The following GPAT3 variants were observed in gnomAD, a reference collection of about 807,000 sequenced individuals.
GPAT3 encodes the protein glycerol-3-phosphate acyltransferase 3.
A neutral mutation model predicts 58.8 loss-of-function variants in GPAT3; 53 were observed. That is an observed-to-expected ratio of 0.90 (90% CI 0.72 to 1.13). The LOEUF (loss-of-function observed/expected upper bound fraction) is 1.13, where lower values mean the gene tolerates loss of function less well. Ranked by LOEUF, GPAT3 falls within the 50% of genes most tolerant of loss-of-function variation. The pLI, the probability that GPAT3 is intolerant of heterozygous loss-of-function variation, is 0.00. For missense variants in GPAT3, 511 were observed against 527.6 expected, an observed-to-expected ratio of 0.97 and a Z score of 0.31; for synonymous variants, 197 against 187.4, an observed-to-expected ratio of 1.05 and a Z score of -0.42.
At chr4:83,552,117 C>T (rs1355914231) in intron 2 of GPAT3, among the ~76,000 whole-genome samples, 1 of 152,110 alleles carries the variant, frequency 6.6e-6, no homozygotes, top group African/African-American at 2.4e-5. Flanking sequence ...ACCTATGGAA[C>T]AAAGGAGTTT....
intron 6 of GPAT3, among the ~76,000 whole-genome samples, chr4:83,593,602 AAT>A (rs1381605378): frequency 6.6e-6 from 1 of 152,100 alleles, no homozygotes; most frequent in Non-Finnish European, 1.5e-5. Flanking sequence ...CAACAATATC[AAT>A]ATGTTTACTC....
At chr4:83,562,798 A>G (rs1725230364) in intron 2 of GPAT3, among the ~76,000 whole-genome samples, 1 of 151,658 alleles carries the variant, frequency 6.6e-6, no homozygotes, top group Non-Finnish European at 1.5e-5. Flanking sequence ...AAAGAGATAT[A>G]GATAGATAGA....
chr4:83,562,107 G>A (rs576742971), intron 2 of GPAT3, among the ~76,000 whole-genome samples: 30 of 146,434 alleles, frequency 2.0e-4, no homozygotes, highest in Non-Finnish European at 3.4e-4. Context: ...GAAATTGTAA[G>A]CAAAGGCAGG....
chr4:83,602,830 A>G (rs1727108414), intron 11 of GPAT3, among the ~76,000 whole-genome samples: 1 of 152,210 alleles, frequency 6.6e-6, no homozygotes, highest in South Asian at 2.1e-4. Flanking sequence ...TAATAGAAGA[A>G]GCTCATTTGG....
chr4:83,598,879 G>A (rs574455156), intron 11 of GPAT3, among the ~76,000 whole-genome samples, 156 bp downstream of exon 11: 3 of 143,272 alleles, frequency 2.1e-5, no homozygotes, highest in South Asian at 2.2e-4. Context: ...AGCCTTGACC[G>A]CCTGGGCTCA....
chr4:83,576,960 A>C (rs967221811), intron 2 of GPAT3, among the ~76,000 whole-genome samples: 12 of 152,216 alleles, frequency 7.9e-5, no homozygotes, highest in Admixed American at 7.8e-4. Flanking sequence ...AAGAGAAAAA[A>C]TACTAATGTT....
intron 2 of GPAT3, among the ~76,000 whole-genome samples, chr4:83,544,813 T>C (rs1482041823): frequency 1.3e-5 from 2 of 152,130 alleles, no homozygotes; most frequent in African/African-American, 4.8e-5. Flanking sequence ...TATATGTTCT[T>C]ATAGGTATTG....
chr4:83,573,958 T>C (rs1257266154), intron 2 of GPAT3, among the ~76,000 whole-genome samples: 1 of 152,214 alleles, frequency 6.6e-6, no homozygotes, highest in African/African-American at 2.4e-5. Flanking sequence ...GACTATATTT[T>C]TGTCAATTCC....
intron 1 of GPAT3, among the ~76,000 whole-genome samples, chr4:83,543,956 A>T: frequency 6.6e-6 from 1 of 152,148 alleles, no homozygotes. Flanking sequence ...GATTTCATCG[A>T]GTCCTTTCCA....
intron 2 of GPAT3, among the ~76,000 whole-genome samples, chr4:83,553,984 A>G (rs768044241): frequency 7.2e-5 from 11 of 152,120 alleles, no homozygotes; most frequent in Non-Finnish European, 1.5e-4. Flanking sequence ...TCAATAATAC[A>G]TAGCCTTTTA....
chr4:83,582,138 GGAA>G (rs377297551), intron 3 of GPAT3, among the ~76,000 whole-genome samples: 4,539 of 152,074 alleles, frequency 0.03, 227 homozygotes, highest in African/African-American at 0.1. Flanking sequence ...AAGAGGAAGA[GGAA>G]GAAGAAGAAG....
chr4:83,579,081 C>CCAT (rs1560621462), intron 2 of GPAT3, among the ~76,000 whole-genome samples: 1 of 19,638 alleles, frequency 5.1e-5, no homozygotes, highest in African/African-American at 1.9e-4. Context: ...TTTCTTTCTT[C>CCAT]CCTTCCTTCC....
intron 2 of GPAT3, among the ~76,000 whole-genome samples, chr4:83,546,624 C>T (rs1488708456): frequency 6.6e-6 from 1 of 152,076 alleles, no homozygotes; most frequent in African/African-American, 2.4e-5. Context: ...TCTACCCTTC[C>T]TTGTAGCCTG....
chr4:83,536,365 C>A lies in GPAT3; in HGVS notation c.-258C>A. Reference sequence around the variant, plus strand: ...GGCTCGCGCTACCCAGGTCTCCGCACGCCGCGGTGGCTTCAGCCCAGACCT... The same window carrying A: ...GGCTCGCGCTACCCAGGTCTCCGCAAGCCGCGGTGGCTTCAGCCCAGACCT... On this transcript the variant is annotated 5_prime_UTR_variant, in exon 1 of 12. Coordinates refer to ENST00000264409, the MANE Select transcript of GPAT3 (RefSeq NM_032717.5). The A allele has an allele frequency of 1.6e-6, 2 of 1,223,222 alleles. No homozygotes were observed. The highest frequency in any genetic ancestry group is 2.0e-6 in the Non-Finnish European group (2 of 978,234). The allele number at this position is 1,223,222 out of a possible 1,614,324, so 75.8% of individuals were successfully genotyped here. A position where few individuals can be genotyped will look rare whatever the true frequency, so the allele number is the denominator to read the frequency against.
At chr4:83,597,289 G>T (rs1726878371) in intron 8 of GPAT3, 141 bp from the exon 9 acceptor site, 2 of 504,850 alleles carry the variant, frequency 4.0e-6, no homozygotes, top group African/African-American at 4.0e-5. Flanking sequence ...CCTTGGCAGG[G>T]GTTCGTTTGT....
intron 1 of GPAT3, among the ~76,000 whole-genome samples, chr4:83,537,752 G>A (rs1206891909): frequency 6.6e-6 from 1 of 151,862 alleles, no homozygotes; most frequent in Non-Finnish European, 1.5e-5. Flanking sequence ...CCCACGCCTG[G>A]CCAGAAACAG....
chr4:83,536,255 C>G lies in GPAT3; in HGVS notation c.-368C>G. ...CAATCGCCACCCAGAGGAAATCAGG[C>G]ACCGGGCGGGGCGGGTTCCTGGCTG... On this transcript the variant is annotated 5_prime_UTR_variant, in exon 1 of 12. Transcript: ENST00000264409. The G allele has an allele frequency of 9.9e-7, 1 of 1,014,900 alleles. No homozygotes were observed. The highest frequency in any genetic ancestry group is 1.2e-6 in the Non-Finnish European group (1 of 849,414). 62.9% of individuals were successfully genotyped at this position (1,014,900 alleles called of 1,614,324 possible).
chr4:83,582,788 T>TG (rs1726200015), intron 3 of GPAT3, among the ~76,000 whole-genome samples: 1 of 150,948 alleles, frequency 6.6e-6, no homozygotes, highest in Non-Finnish European at 1.5e-5. Flanking sequence ...TTGTTGTTGT[T>TG]TTTTTTTGCC....
At chr4:83,550,818 C>T (rs1298404376) in intron 2 of GPAT3, among the ~76,000 whole-genome samples, 1 of 151,944 alleles carries the variant, frequency 6.6e-6, no homozygotes, top group African/African-American at 2.4e-5. Context: ...TTTGTGGGGG[C>T]AGGGGTGCAG....
Sources: gnomAD v4.1 joint callset for allele counts (sites outside exome capture counted in the v4.1 genomes callset) on GRCh38, gnomAD v4.1.1 for gene constraint, MANE v1.5 for transcripts, NCBI Gene and HGNC (gene_info 2026-07-23, HGNC 2026-07-21) for gene names.